Variants in RBFOX1 observed in about 807,000 individuals in gnomAD.
The protein encoded by RBFOX1 is RNA binding protein fox-1 homolog 1.
Under a neutral mutation model 57.7 loss-of-function variants are expected in RBFOX1, and 8 were observed. That is an observed-to-expected ratio of 0.14 (90% CI 0.08 to 0.25). RBFOX1 has a LOEUF of 0.25. Among genes scored for constraint, RBFOX1 ranks in the 10% least tolerant of loss-of-function variants. The pLI is 1.00. For synonymous variants in RBFOX1, 326 were observed against 222.4 expected, an observed-to-expected ratio of 1.47 and a Z score of -4.15; for missense variants, 611 against 548.5, an observed-to-expected ratio of 1.11 and a Z score of -1.14.
intron 4 of RBFOX1, among the ~76,000 whole-genome samples, chr16:7,395,765 A>G (rs2098129672): frequency 6.6e-6 from 1 of 152,226 alleles, no homozygotes; most frequent in African/African-American, 2.4e-5. Context: ...AATCTGCAAT[A>G]AGTTATGAAT....
intron 1 of RBFOX1, among the ~76,000 whole-genome samples, chr16:5,299,200 C>G (rs1221565737): frequency 6.6e-6 from 1 of 151,786 alleles, no homozygotes; most frequent in East Asian, 1.9e-4. Flanking sequence ...TCCTTTATGC[C>G]TGGCTTTTTT....
intron 4 of RBFOX1, among the ~76,000 whole-genome samples, chr16:7,243,523 G>T (rs1213437764): frequency 6.6e-6 from 1 of 152,136 alleles, no homozygotes. Context: ...TCCCCAGGAA[G>T]TTGACCCCTT....
At chr16:6,616,195 G>C (rs1453110699) in intron 2 of RBFOX1, among the ~76,000 whole-genome samples, 1 of 152,078 alleles carries the variant, frequency 6.6e-6, no homozygotes, top group East Asian at 1.9e-4. Context: ...CTGTTCTTTG[G>C]TAACTGGATA....
At chr16:6,151,148 C>T (rs1236439225) in intron 1 of RBFOX1, among the ~76,000 whole-genome samples, 1 of 152,180 alleles carries the variant, frequency 6.6e-6, no homozygotes, top group Non-Finnish European at 1.5e-5. Context: ...AATCTCTTTT[C>T]CTCCCTTACT....
At chr16:5,384,709 G>A (rs1252764606) in intron 1 of RBFOX1, among the ~76,000 whole-genome samples, 1 of 152,224 alleles carries the variant, frequency 6.6e-6, no homozygotes, top group Non-Finnish European at 1.5e-5. Flanking sequence ...GCTTCAGGAG[G>A]TTCTCAGGGG....
chr16:5,882,802 C>G (rs778747120), intron 4 of RBFOX1, among the ~76,000 whole-genome samples: 46 of 152,152 alleles, frequency 3.0e-4, no homozygotes, highest in Non-Finnish European at 5.4e-4. Flanking sequence ...TGTGAAAAAT[C>G]TCATGCTGTG....
chr16:6,968,060 G>T (rs1343437276), intron 3 of RBFOX1, among the ~76,000 whole-genome samples: 1 of 152,126 alleles, frequency 6.6e-6, no homozygotes, highest in Non-Finnish European at 1.5e-5. Context: ...AGGTGCTTGG[G>T]TCTGACCCTC....
intron 5 of RBFOX1, among the ~76,000 whole-genome samples, chr16:7,564,250 G>C (rs1184320824): frequency 6.6e-6 from 1 of 152,028 alleles, no homozygotes; most frequent in South Asian, 2.1e-4. Flanking sequence ...ACAGAAAAAA[G>C]GCACTCAAGC....
At chr16:7,704,436 A>G (rs2081772115) in intron 14 of RBFOX1, among the ~76,000 whole-genome samples, 1 of 152,188 alleles carries the variant, frequency 6.6e-6, no homozygotes, top group Non-Finnish European at 1.5e-5. Flanking sequence ...TCTGTCTTGA[A>G]GCATCCTGAA....
At position 7,712,071 on chromosome 16, in the gene RBFOX1, A is replaced by G. The variant is rs889572844; in HGVS notation, c.*1326A>G. 5.3e-5 allele frequency: 8 copies of G among 151,120 alleles called. No individual in the cohort carries two copies. The highest frequency in any genetic ancestry group is 1.3e-4 in the Admixed American group (2 of 15,212). The allele number at this position is 151,120 out of a possible 1,614,324, so 9.4% of individuals were successfully genotyped here. On this transcript the variant is annotated 3_prime_UTR_variant, in exon 16 of 16. Coordinates refer to ENST00000550418, the MANE Select transcript of RBFOX1 (RefSeq NM_018723.4). ...TCCACCCTCTTAATCCCAAAAGAACAAAGTCTCCCCACCTTTCTCGGATGC... is the reference window on the plus strand; with the variant it reads ...TCCACCCTCTTAATCCCAAAAGAACGAAGTCTCCCCACCTTTCTCGGATGC...
intron 4 of RBFOX1, among the ~76,000 whole-genome samples, chr16:7,415,057 G>A (rs912263185): frequency 6.6e-6 from 1 of 152,214 alleles, no homozygotes; most frequent in Non-Finnish European, 1.5e-5. Context: ...TACAGCCTCT[G>A]ACATACAAAG....
chr16:7,693,798 A>C (rs150428737), intron 14 of RBFOX1, among the ~76,000 whole-genome samples: 1 of 152,314 alleles, frequency 6.6e-6, no homozygotes, highest in African/African-American at 2.4e-5. Context: ...AGAGGCTGTA[A>C]AAGACTGAAT....
At chr16:7,127,208 A>C (rs2068824945) in intron 4 of RBFOX1, among the ~76,000 whole-genome samples, 1 of 152,098 alleles carries the variant, frequency 6.6e-6, no homozygotes, top group South Asian at 2.1e-4. Flanking sequence ...ATGCCTCCGA[A>C]AGCATAAAAT....
intron 4 of RBFOX1, among the ~76,000 whole-genome samples, chr16:7,070,858 A>C (rs2057189879): frequency 6.6e-6 from 1 of 152,142 alleles, no homozygotes; most frequent in South Asian, 2.1e-4. Flanking sequence ...AAATTGACCA[A>C]GGGTGACAAA....
intron 2 of RBFOX1, among the ~76,000 whole-genome samples, chr16:5,596,051 C>G (rs937360738): frequency 6.6e-6 from 1 of 152,102 alleles, no homozygotes; most frequent in South Asian, 2.1e-4. Flanking sequence ...AGATAGACAG[C>G]TAAAGAGGAC....
chr16:7,430,027 C>G (rs529767410), intron 4 of RBFOX1, among the ~76,000 whole-genome samples: 1 of 152,266 alleles, frequency 6.6e-6, no homozygotes, highest in Admixed American at 6.5e-5. Context: ...TAGTTTTTCC[C>G]CAGCTCCTAA....
chr16:5,397,066 G>A (rs186184789), intron 1 of RBFOX1, among the ~76,000 whole-genome samples: 1 of 152,200 alleles, frequency 6.6e-6, no homozygotes, highest in Non-Finnish European at 1.5e-5. Flanking sequence ...CTGGGGAAGA[G>A]CATGTGGAAA....
intron 4 of RBFOX1, among the ~76,000 whole-genome samples, chr16:7,154,343 C>T (rs1321003926): frequency 6.6e-6 from 1 of 152,136 alleles, no homozygotes. Context: ...TCCATCTCTG[C>T]CTGGGAGATT....
At chr16:6,081,375 T>A in intron 1 of RBFOX1, among the ~76,000 whole-genome samples, 1 of 152,212 alleles carries the variant, frequency 6.6e-6, no homozygotes, top group East Asian at 1.9e-4. Flanking sequence ...GTCTCTGTTA[T>A]CTTGTTTCTC....
Sources: gnomAD v4.1 joint callset for allele counts (sites outside exome capture counted in the v4.1 genomes callset) on GRCh38, gnomAD v4.1.1 for gene constraint, MANE v1.5 for transcripts, NCBI Gene and HGNC (gene_info 2026-07-23, HGNC 2026-07-21) for gene names.